Variants in FNIP2 observed in about 807,000 individuals in gnomAD.
FNIP2 encodes folliculin-interacting protein 2.
FNIP2 carries 32 observed loss-of-function variants against 108.7 expected under a neutral mutation model. The observed-to-expected ratio is 0.29, with a 90% confidence interval of 0.22 to 0.40. FNIP2 has a LOEUF of 0.40. Among genes scored for constraint, FNIP2 ranks in the 10% least tolerant of loss-of-function variants. The pLI, the probability that FNIP2 is intolerant of heterozygous loss-of-function variation, is 1.00. For synonymous variants in FNIP2, 480 were observed against 496.7 expected (o/e 0.97, Z 0.45); for missense variants, 1,202 against 1,381.6 (o/e 0.87, Z 2.06).
intron 8 of FNIP2, among the ~76,000 whole-genome samples, chr4:158,856,730 C>T (rs1780006389): frequency 6.6e-6 from 1 of 152,160 alleles, no homozygotes; most frequent in Non-Finnish European, 1.5e-5. Flanking sequence ...CTTTCTGTTC[C>T]TGAGGAAAGT....
intron 14 of FNIP2, chr4:158,871,853 A>G (rs1780969361): frequency 1.0e-6 from 1 of 985,288 alleles, no homozygotes; most frequent in African/African-American, 1.7e-5. Flanking sequence ...AAATGCCCTC[A>G]TTGTATAATG....
At chr4:158,793,906 A>G (rs1418387038) in intron 1 of FNIP2, among the ~76,000 whole-genome samples, 1 of 152,150 alleles carries the variant, frequency 6.6e-6, no homozygotes, top group Non-Finnish European at 1.5e-5. Flanking sequence ...ATTGTCATTT[A>G]TGTGAAGAGT....
rs533743708 is a variant in FNIP2 at position 158,861,264 on chromosome 4, C to T, written c.1149-78C>T. The T allele has an allele frequency of 3.7e-5, 54 of 1,469,280 alleles. No individual in the cohort carries two copies. In the African/African-American group the frequency reaches 4.9e-4, roughly 13 times the overall value. The allele number at this position is 1,469,280 out of a possible 1,614,324, so 91.0% of individuals were successfully genotyped here. On this transcript the variant is annotated intron_variant, in intron 10 of 16. Coordinates refer to ENST00000264433, the MANE Select transcript of FNIP2 (RefSeq NM_020840.3). The stretch of plus-strand genomic sequence containing the variant: ...ACTACATAGATTCAAGTTGTTTTCT[C>T]CTTTATTCTTTTACACCAAGATTAT...
rs562672054 is a variant in FNIP2, at chr4:158,891,653, A to T, written c.3150+7A>T. On this transcript the variant is annotated splice_region_variant and intron_variant, in intron 15 of 16. Coordinates refer to ENST00000264433, the MANE Select transcript of FNIP2 (RefSeq NM_020840.3). ...TCACCTCCCTGCTGATTTTGTAAGT[A>T]CTGGTTCTTATATCACCAAAGAAAT... 1.2e-4 allele frequency: 200 copies of T among 1,605,726 alleles called. 2 individuals are homozygous for T. The South Asian group carries it at 2.1e-3, about 17-fold the overall frequency.
chr4:158,770,445 G>A (rs536589893), intron 1 of FNIP2, among the ~76,000 whole-genome samples: 21 of 152,242 alleles, frequency 1.4e-4, no homozygotes, highest in African/African-American at 4.8e-4. Context: ...AAAGTTTCAA[G>A]TGAAACTTTG....
In FNIP2 at chr4:158,835,418, A is replaced by G; in HGVS notation, c.669A>G (p.Pro223=). ...CCTTTATCTTAGCACACAGCACACCAGTTGATATGCCAAGCAGAGGACAGA... is the reference window on the plus strand; with the variant it reads ...CCTTTATCTTAGCACACAGCACACCGGTTGATATGCCAAGCAGAGGACAGA... ...RTGSNLAHST[P]VDMPSRGQNE... Residue 223 remains proline, a synonymous_variant, in exon 7 of 17, where the codon CCA becomes CCG. Transcript: ENST00000264433. 6 of 1,612,400 alleles carry G rather than the reference A, an allele frequency of 3.7e-6. No individual in the cohort carries two copies. The highest frequency in any genetic ancestry group is 5.1e-6 in the Non-Finnish European group (6 of 1,178,982).
At chr4:158,810,527 T>C (rs950498956) in intron 1 of FNIP2, among the ~76,000 whole-genome samples, 18 of 152,210 alleles carry the variant, frequency 1.2e-4, no homozygotes, top group African/African-American at 4.1e-4. Context: ...TCCAGACTGA[T>C]AAGAGTGAAT....
chr4:158,835,498 G>A (rs755734382), intron 7 of FNIP2, 22 bp downstream of exon 7: 2 of 1,602,896 alleles, frequency 1.2e-6, no homozygotes, highest in Non-Finnish European at 1.7e-6. Flanking sequence ...CTGTTTATTG[G>A]TTTAACTAAC....
At position 158,841,015 on chromosome 4, in the gene FNIP2, G is replaced by C. The variant is rs188585166; in HGVS notation, c.727+5539G>C. Among the ~76,000 whole-genome samples the C allele has an allele frequency of 3.2e-3, 493 of 152,262 alleles. 8 individuals carry two copies. Among genetic ancestry groups the C allele is most frequent in the Non-Finnish European group, 9.9e-4 (67 of 68,014 alleles). On this transcript the variant is annotated intron_variant, in intron 7 of 16. Transcript: ENST00000264433. ...CTACATTATCATAGTGTTCAAATAA[G>C]ACATGTGTTTTGGTCACTCTGCAGA...
rs918066451 is a variant in FNIP2 at position 158,879,834 on chromosome 4, A to C, written c.2949+9365A>C. On this transcript the variant is annotated intron_variant, in intron 14 of 16. Coordinates refer to ENST00000264433, the MANE Select transcript of FNIP2 (RefSeq NM_020840.3). Reference sequence around the variant, plus strand: ...AGACATTTATGCAGCCAACAGACACATGAAAAAATGCTCACCATCACTGGC... The same window carrying C: ...AGACATTTATGCAGCCAACAGACACCTGAAAAAATGCTCACCATCACTGGC... Among the ~76,000 whole-genome samples the C allele has an allele frequency of 4.7e-5, 7 of 149,156 alleles. 1 individual carries two copies. The highest frequency in any genetic ancestry group is 1.8e-4 in the African/African-American group (7 of 39,792).
At chr4:158,796,536 A>T (rs1776596631) in intron 1 of FNIP2, among the ~76,000 whole-genome samples, 2 of 152,116 alleles carry the variant, frequency 1.3e-5, no homozygotes, top group African/African-American at 4.8e-5. Flanking sequence ...TCTTGGGCAA[A>T]ATCATTATTT....
At chr4:158,875,541 T>TATATATATATATATATATATATATGC (rs1553964269) in intron 14 of FNIP2, among the ~76,000 whole-genome samples, 10 of 141,472 alleles carry the variant, frequency 7.1e-5, no homozygotes, top group African/African-American at 2.6e-4. Context: ...TATATATATA[T>TATATATATATATATATATATATATGC]GCTCATGAAT....
intron 14 of FNIP2, 101 bp from the exon 15 acceptor site, chr4:158,891,345 T>G (rs1782267796): frequency 9.1e-7 from 1 of 1,094,324 alleles, no homozygotes. Context: ...ACTGCCTGGC[T>G]GTCAAGAATT....
intron 12 of FNIP2, among the ~76,000 whole-genome samples, chr4:158,863,578 T>G (rs1437619429): frequency 6.6e-6 from 1 of 152,196 alleles, no homozygotes; most frequent in Non-Finnish European, 1.5e-5. Flanking sequence ...GCCACTTCCC[T>G]GTGTACAATG....
intron 15 of FNIP2, among the ~76,000 whole-genome samples, chr4:158,894,730 T>C (rs1006706318): frequency 2.6e-5 from 4 of 152,204 alleles, no homozygotes; most frequent in Non-Finnish European, 5.9e-5. Flanking sequence ...TGGAGGAGCA[T>C]TTCCATGAGA....
At chr4:158,891,758 T>G in intron 15 of FNIP2, 112 bp downstream of exon 15, 1 of 1,025,322 alleles carries the variant, frequency 9.8e-7, no homozygotes, top group Non-Finnish European at 1.4e-6. Context: ...AATTGGAGAT[T>G]AGCATAACTA....
chr4:158,885,198 C>T (rs114580304), intron 14 of FNIP2, among the ~76,000 whole-genome samples: 4 of 152,128 alleles, frequency 2.6e-5, no homozygotes, highest in Admixed American at 6.5e-5. Flanking sequence ...CTCACTATCA[C>T]GAGAATAGCA....
intron 7 of FNIP2, among the ~76,000 whole-genome samples, chr4:158,845,115 G>A (rs1480346637): frequency 6.6e-6 from 1 of 152,132 alleles, no homozygotes; most frequent in Non-Finnish European, 1.5e-5. Context: ...CAACCTATAT[G>A]CATTAACTTT....
chr4:158,893,804 G>A (rs902654088), intron 15 of FNIP2: 32 of 855,614 alleles, frequency 3.7e-5, no homozygotes, highest in Admixed American at 7.2e-5. Flanking sequence ...TAATACATAC[G>A]TCTTGTCACA....
Sources: allele counts gnomAD v4.1 joint callset (sites outside exome capture counted in the v4.1 genomes callset), GRCh38; gene constraint gnomAD v4.1.1; transcripts MANE v1.5; gene names NCBI Gene and HGNC (gene_info 2026-07-23, HGNC 2026-07-21).